NSUN7: variants seen among roughly 807,000 people sequenced by gnomAD.
NSUN7 encodes the protein protein NSUN7.
Under a neutral mutation model 58.5 loss-of-function variants are expected in NSUN7, and 39 were observed. That is an observed-to-expected ratio of 0.67 (90% CI 0.52 to 0.87). The LOEUF (loss-of-function observed/expected upper bound fraction) is 0.87, where lower values mean the gene tolerates loss of function less well. Ranked by LOEUF, NSUN7 falls within the 40% of genes least tolerant of loss-of-function variation. NSUN7 has a pLI of 0.00. For missense variants in NSUN7, 765 were observed against 844.1 expected (o/e 0.91, Z 1.16); for synonymous variants, 278 against 303.7 (o/e 0.92, Z 0.88).
intron 2 of NSUN7, among the ~76,000 whole-genome samples, chr4:40,757,902 TTTTG>T (rs71198603): frequency 2.2e-4 from 32 of 148,610 alleles, no homozygotes; most frequent in African/African-American, 3.0e-4. Context: ...CTATTCCTGT[TTTTG>T]TTTGTTTGTT....
At chr4:40,772,143 T>C (rs1742043828) in intron 4 of NSUN7, among the ~76,000 whole-genome samples, 1 of 152,182 alleles carries the variant, frequency 6.6e-6, no homozygotes, top group South Asian at 2.1e-4. Context: ...CCAAAATGTT[T>C]ACTATCTGGA....
At chr4:40,797,710 C>T (rs1297387668) in intron 9 of NSUN7, among the ~76,000 whole-genome samples, 3 of 152,198 alleles carry the variant, frequency 2.0e-5, no homozygotes, top group Non-Finnish European at 4.4e-5. Flanking sequence ...CTCTGCCAGC[C>T]TCTGCCCCTG....
intron 10 of NSUN7, among the ~76,000 whole-genome samples, chr4:40,803,954 C>T (rs1743712236): frequency 6.6e-6 from 1 of 152,002 alleles, no homozygotes; most frequent in African/African-American, 2.4e-5. Context: ...CCTAGCTACT[C>T]AGGAGGTCAA....
rs181674605 is a variant in NSUN7 at position 40,766,558 on chromosome 4, C to T, written c.488+5257C>T. On this transcript the variant is annotated intron_variant, in intron 4 of 11. Coordinates refer to ENST00000381782, the MANE Select transcript of NSUN7 (RefSeq NM_024677.6). ...CTAAAATTCTCTTTTTTGGCTGTGT[C>T]TCTGCCTGGCTTTGGTATGAGGATG... is the stretch of plus-strand genomic sequence containing the variant. Among the ~76,000 whole-genome samples the T allele has an allele frequency of 4.7e-4, 71 of 152,272 alleles. 1 individual carries two copies. The highest frequency in any genetic ancestry group is 1.3e-3 in the African/African-American group (52 of 41,536).
At position 40,808,029 on chromosome 4, in the gene NSUN7, CAAAAAAAA is replaced by C. The variant is rs397878278; in HGVS notation, c.1525-261_1525-254del. Among the ~76,000 whole-genome samples, 335 of 60,188 alleles carry C rather than the reference CAAAAAAAA, an allele frequency of 5.6e-3. 2 individuals carry two copies. The highest frequency in any genetic ancestry group is 0.02 in the African/African-American group (315 of 16,078). The allele number at this position is 60,188 out of a possible 152,430, so 39.5% of individuals were successfully genotyped here. ...TGGGCGACAAAGCAAGACTCCATCT[CAAAAAAAA>C]AAAAAAAAAAAAAAAATCTGTGTGA... On this transcript the variant is annotated intron_variant, in intron 11 of 11. Transcript: ENST00000381782.
chr4:40,789,398 C>G (rs1742977363), intron 7 of NSUN7, among the ~76,000 whole-genome samples: 1 of 152,072 alleles, frequency 6.6e-6, no homozygotes, highest in South Asian at 2.1e-4. Flanking sequence ...GATCCTGATT[C>G]AAACAAAAAA....
intron 4 of NSUN7, 47 bp from the exon 5 acceptor site, chr4:40,774,218 G>T: frequency 6.5e-7 from 1 of 1,540,340 alleles, no homozygotes; most frequent in Non-Finnish European, 9.0e-7. Flanking sequence ...AAAATTGATA[G>T]TCTTGTCTCA....
intron 4 of NSUN7, among the ~76,000 whole-genome samples, chr4:40,770,915 G>A (rs1251800638): frequency 6.6e-6 from 1 of 152,098 alleles, no homozygotes; most frequent in African/African-American, 2.4e-5. Flanking sequence ...GCCAGGTGTG[G>A]TGGTGTGCAC....
chr4:40,751,848 T>C (rs1241449776), intron 2 of NSUN7, among the ~76,000 whole-genome samples: 1 of 152,080 alleles, frequency 6.6e-6, no homozygotes, highest in East Asian at 1.9e-4. Flanking sequence ...ATTTAAAAAT[T>C]AGCCCAGTAT....
chr4:40,807,858 A>G (rs1743875820), intron 11 of NSUN7, among the ~76,000 whole-genome samples: 1 of 152,000 alleles, frequency 6.6e-6, no homozygotes, highest in Admixed American at 6.6e-5. Context: ...CCTGGCCAAC[A>G]TGGTTCACTC....
chr4:40,772,422 A>G (rs866148729), intron 4 of NSUN7, among the ~76,000 whole-genome samples: 23 of 152,150 alleles, frequency 1.5e-4, no homozygotes, highest in African/African-American at 4.8e-4. Flanking sequence ...TCATTTTTTT[A>G]GTATCCACTG....
intron 4 of NSUN7, among the ~76,000 whole-genome samples, chr4:40,762,025 T>C (rs1454689477): frequency 1.3e-5 from 2 of 152,182 alleles, no homozygotes; most frequent in Admixed American, 6.5e-5. Flanking sequence ...CATGAAGATT[T>C]CACCCTCATG....
chr4:40,780,754 T>TAC (rs796117262), intron 7 of NSUN7, among the ~76,000 whole-genome samples: 3,765 of 104,016 alleles, frequency 0.036, 157 homozygotes, highest in African/African-American at 0.078. Flanking sequence ...AACATTGAAA[T>TAC]ACACACACAC....
intron 2 of NSUN7, among the ~76,000 whole-genome samples, chr4:40,758,989 G>A (rs1741308273): frequency 6.6e-6 from 1 of 152,170 alleles, no homozygotes; most frequent in African/African-American, 2.4e-5. Flanking sequence ...AGCTAGGCAT[G>A]CCTACCTTTC....
intron 7 of NSUN7, among the ~76,000 whole-genome samples, chr4:40,790,064 C>CTT (rs60071501): frequency 0.32 from 38,584 of 121,086 alleles, 6,650 homozygotes; most frequent in Admixed American, 0.45. Flanking sequence ...CCTCCCCCAC[C>CTT]TTTTTTTTTT....
rs1464851490 is a variant in NSUN7 at position 40,810,106 on chromosome 4, G to A, written c.*1167G>A. The A allele has an allele frequency of 6.6e-6, 1 of 152,128 alleles. No homozygotes were observed. Among genetic ancestry groups the A allele is most frequent in the Admixed American group, 6.5e-5 (1 of 15,268 alleles). The allele number at this position is 152,128 out of a possible 1,614,324, so 9.4% of individuals were successfully genotyped here. A position where few individuals can be genotyped will look rare whatever the true frequency, so the allele number is the denominator to read the frequency against. ...ATAAATTCCTAAATGCTCAATTCAG[G>A]TGGCATGATTTTTAGAATATTATCT... On this transcript the variant is annotated 3_prime_UTR_variant, in exon 12 of 12. Coordinates refer to ENST00000381782, the MANE Select transcript of NSUN7 (RefSeq NM_024677.6).
At chr4:40,757,683 T>TAC (rs1207336811) in intron 2 of NSUN7, among the ~76,000 whole-genome samples, 1 of 143,440 alleles carries the variant, frequency 7.0e-6, no homozygotes, top group Non-Finnish European at 1.5e-5. Flanking sequence ...TGTATATATA[T>TAC]ACACACTGTG....
intron 2 of NSUN7, among the ~76,000 whole-genome samples, chr4:40,759,448 C>T (rs1741333435): frequency 1.3e-5 from 2 of 152,214 alleles, no homozygotes; most frequent in South Asian, 4.1e-4. Flanking sequence ...ACCGCCTTTG[C>T]AGTTATCATA....
Position 40,766,124 on chromosome 4 carries a change from T to C in NSUN7, c.488+4823T>C, listed in dbSNP as rs562394901. ...CCAGAACTTCCAATACTATGTTGAA[T>C]AGGAGTGGTGAGAGAGGGCATCCCT... is the stretch of plus-strand genomic sequence containing the variant. On this transcript the variant is annotated intron_variant, in intron 4 of 11. Transcript: ENST00000381782. 9.2e-3 allele frequency among the ~76,000 whole-genome samples: 1,399 copies of C among 152,274 alleles called. 9 individuals carry two copies. Among genetic ancestry groups the C allele is most frequent in the Non-Finnish European group, 0.013 (917 of 68,016 alleles).
Sources: allele counts gnomAD v4.1 joint callset (sites outside exome capture counted in the v4.1 genomes callset), GRCh38; gene constraint gnomAD v4.1.1; transcripts MANE v1.5; gene names NCBI Gene and HGNC (gene_info 2026-07-23, HGNC 2026-07-21).